Variants in NLRP7 observed in about 807,000 individuals in gnomAD.
The protein encoded by NLRP7 is NLR family pyrin domain containing 7.
NLRP7 carries 72 observed loss-of-function variants against 85.5 expected under a neutral mutation model. The ratio of observed to expected loss-of-function variants is 0.84; its 90% CI spans 0.70 to 1.02. The LOEUF is 1.02. Among genes scored for constraint, NLRP7 ranks in the 50% least tolerant of loss-of-function variants. The pLI is 0.00. For missense variants in NLRP7, 1,243 were observed against 1,219.5 expected, an observed-to-expected ratio of 1.02 and a Z score of -0.29; for synonymous variants, 550 against 505.2, an observed-to-expected ratio of 1.09 and a Z score of -1.19.
At chr19:54,942,482 G>C (rs1318516938) in intron 1 of NLRP7, among the ~76,000 whole-genome samples, 2 of 152,082 alleles carry the variant, frequency 1.3e-5, no homozygotes, top group African/African-American at 2.4e-5. Context: ...CCAGCACTTT[G>C]GGAGGCCAAG....
At position 54,936,221 on chromosome 19, in the gene NLRP7, G is replaced by A. The variant is rs374075665; in HGVS notation, c.2300+40C>T. 172 of 1,578,130 alleles carry A rather than the reference G, an allele frequency of 1.1e-4. No individual in the cohort carries two copies. The African/African-American group carries it at 1.8e-3, about 17-fold the overall frequency. Reference sequence around the variant, plus strand: ...GATCCCCCAGCAACACGGTGCAGTGGACTCCAGGTGCTGGGGAGAGCCGTG... The same window carrying A: ...GATCCCCCAGCAACACGGTGCAGTGAACTCCAGGTGCTGGGGAGAGCCGTG... On this transcript the variant is annotated intron_variant, in intron 6 of 9. Transcript: ENST00000340844.
intron 7 of NLRP7, 83 bp from the exon 8 acceptor site, chr19:54,933,822 T>TTTA: frequency 8.3e-7 from 1 of 1,205,306 alleles, no homozygotes; most frequent in Non-Finnish European, 1.2e-6. Context: ...CATGCTAGGG[T>TTTA]ACTCAGCTTC....
In NLRP7 at chr19:54,939,544, C is replaced by T. The variant is rs771909550; in HGVS notation, c.1275G>A (p.Ala425=). Residue 425 remains alanine (A), a synonymous_variant, in exon 4 of 10, where the codon GCG becomes GCA. Coordinates refer to ENST00000340844, the Ensembl canonical transcript of NLRP7. ...CCTCTCGGTGGAACACGGACATCTG[C>T]GCCCACAGGCCCTGCGCGGCCAGGA... The T allele has an allele frequency of 6.2e-6, 10 of 1,613,032 alleles. No homozygotes were observed. The African/African-American group carries it at 8.0e-5, about 13-fold the overall frequency.
At chr19:54,954,528 CAAAAAA>C (rs35846819) in intron 1 of NLRP7, among the ~76,000 whole-genome samples, 1 of 47,532 alleles carries the variant, frequency 2.1e-5, no homozygotes, top group African/African-American at 7.7e-5. Flanking sequence ...GACTCCGTCT[CAAAAAA>C]AAAAAAAAAA....
At chr19:54,933,821 G>A (rs1032364929) in intron 7 of NLRP7, 82 bp from the exon 8 acceptor site, 4 of 1,208,536 alleles carry the variant, frequency 3.3e-6, no homozygotes, top group Non-Finnish European at 4.9e-6. Flanking sequence ...ACATGCTAGG[G>A]TACTCAGCTT....
chr19:54,960,927 G>A (rs1360499981), intron 1 of NLRP7, among the ~76,000 whole-genome samples: 2 of 151,838 alleles, frequency 1.3e-5, no homozygotes, highest in South Asian at 2.1e-4. Context: ...ATGCATTTGA[G>A]TCTTAAAAAA....
Position 54,940,418 on chromosome 19 carries a change from C to T in NLRP7, c.401G>A (p.Trp134Ter), listed in dbSNP as rs2069172644. The T allele has an allele frequency of 5.6e-6, 9 of 1,613,918 alleles. No individual in the cohort carries two copies. The highest frequency in any genetic ancestry group is 2.7e-5 in the African/African-American group (2 of 74,932). ...GTCTCCTTGCCAAAAGGTGTTCTTC[C>T]AGACCAAAGACTGTTTCTCCATTGA... The change falls in exon 4 of 10, where the codon TGG becomes TAG. Residue 134 changes from tryptophan (W) to a stop codon, truncating the protein, a stop_gained. Coordinates refer to ENST00000340844, the Ensembl canonical transcript of NLRP7. LOFTEE classifies it high-confidence loss of function.
In NLRP7 at chr19:54,934,585, T is replaced by G. The variant is rs1403380853; in HGVS notation, c.2375A>C (p.Lys792Thr). The G allele has an allele frequency of 3.1e-6, 5 of 1,614,022 alleles. No homozygotes were observed. The African/African-American group carries it at 5.3e-5, about 17-fold the overall frequency. Residue 792 changes from lysine (K) to threonine (T), a missense_variant, in exon 7 of 10, where the codon AAG (lysine) becomes ACG (threonine). Lys to Thr is a moderately conservative substitution (Grantham distance 78). Around this residue, in one of 3 missense-constraint regions of NLRP7, gnomAD observed 613 missense variants for 588.4 expected, o/e 1.04. Transcript: ENST00000340844. This position sits in a 1 kb window ranked among gnomAD's most constrained non-coding sequence, Gnocchi z 6.7. The stretch of plus-strand genomic sequence containing the variant: ...CACATTGGCTGAGAGACGCAGGTGC[T>G]TCAGGGACTGGTTGGCTTTGAGGAC...
intron 7 of NLRP7, among the ~76,000 whole-genome samples, 195 bp from the exon 8 acceptor site, chr19:54,933,934 C>T (rs896312986): frequency 1.3e-5 from 2 of 152,132 alleles, no homozygotes; most frequent in Admixed American, 6.6e-5. Context: ...CCACCTGGAG[C>T]CATCACAGGA....
chr19:54,955,872 C>T (rs2069834609), intron 1 of NLRP7, among the ~76,000 whole-genome samples: 1 of 152,084 alleles, frequency 6.6e-6, no homozygotes, highest in Non-Finnish European at 1.5e-5. Context: ...GACATTCGCT[C>T]CCATGCCTGG....
chr19:54,939,782 G>A (rs2069131247), exon 4 of NLRP7: 2 of 1,613,838 alleles, frequency 1.2e-6, no homozygotes, highest in Non-Finnish European at 8.5e-7. Context: ...TAGCTCAAAG[G>A]CACGCATGGC....
At chr19:54,945,238 CAAAAA>C (rs75770706) in intron 1 of NLRP7, among the ~76,000 whole-genome samples, 19 of 69,686 alleles carry the variant, frequency 2.7e-4, no homozygotes, top group African/African-American at 5.0e-4. Flanking sequence ...GACTCCCTCT[CAAAAA>C]AAAAAAAAAA....
At chr19:54,959,896 C>A (rs1282681357) in intron 1 of NLRP7, among the ~76,000 whole-genome samples, 1 of 151,860 alleles carries the variant, frequency 6.6e-6, no homozygotes, top group Non-Finnish European at 1.5e-5. Flanking sequence ...TGGGAGCCGA[C>A]TCCCGGCTGC....
Position 54,959,428 on chromosome 19 carries a change from T to C in NLRP7, c.-77+6612A>G, listed in dbSNP as rs113210071. On this transcript the variant is annotated intron_variant, in intron 1 of 2. Coordinates refer to the NLRP7 transcript ENST00000587103. Reference sequence around the variant, plus strand: ...CTGGGATTACAGGCGTGAGCCACCGTGCCCGGCCTCCTTGTTTTTTTTCTA... The same window carrying C: ...CTGGGATTACAGGCGTGAGCCACCGCGCCCGGCCTCCTTGTTTTTTTTCTA... 8.1e-3 allele frequency among the ~76,000 whole-genome samples: 1,220 copies of C among 150,480 alleles called. 22 individuals are homozygous for C. Among genetic ancestry groups the C allele is most frequent in the African/African-American group, 0.026 (1,038 of 40,660 alleles).
At position 54,941,422 on chromosome 19, in the gene NLRP7, A is replaced by T. The variant is rs1371129612; in HGVS notation, c.277+13T>A. 1 of 1,272,666 alleles carries T rather than the reference A, an allele frequency of 7.9e-7. No homozygotes were observed. The highest frequency in any genetic ancestry group is 1.1e-6 in the Non-Finnish European group (1 of 875,128). The allele number at this position is 1,272,666 out of a possible 1,614,324, so 78.8% of individuals were successfully genotyped here. On this transcript the variant is annotated intron_variant, in intron 2 of 9. Coordinates refer to ENST00000340844, the Ensembl canonical transcript of NLRP7. Reference sequence around the variant, plus strand: ...AAAAAAAAAATGACCAGGACACCCCAGGTTCTACTTACCCATCATCTCAGC... The same window carrying T: ...AAAAAAAAAATGACCAGGACACCCCTGGTTCTACTTACCCATCATCTCAGC...
At chr19:54,951,636 C>T (rs1173261525), upstream of NLRP7, among the ~76,000 whole-genome samples, 1 of 152,102 alleles carries the variant, frequency 6.6e-6, no homozygotes, top group African/African-American at 2.4e-5. Context: ...AAATGTGAAT[C>T]AGGCTGCACT....
exon 5 of NLRP7, chr19:54,938,166 A>C: frequency 6.2e-7 from 1 of 1,614,102 alleles, no homozygotes; most frequent in Non-Finnish European, 8.5e-7. Context: ...AGCTGAAGAG[A>C]GAGCAGAAAT....
chr19:54,949,827 G>A (rs1199417483), upstream of NLRP7, among the ~76,000 whole-genome samples: 1 of 152,170 alleles, frequency 6.6e-6, no homozygotes, highest in Non-Finnish European at 1.5e-5. Context: ...TGGGCCGGGT[G>A]TCCTGTGGCT....
At chr19:54,938,846 G>A (rs1426629279) in intron 4 of NLRP7, 42 bp downstream of exon 4, 1 of 1,607,162 alleles carries the variant, frequency 6.2e-7, no homozygotes, top group Admixed American at 1.7e-5. Context: ...GGAGACGCTG[G>A]CCTCTTCCTA....
Sources: allele counts gnomAD v4.1 joint callset (sites outside exome capture counted in the v4.1 genomes callset), GRCh38; gene constraint gnomAD v4.1.1; regional missense constraint gnomAD v4.1.1; non-coding constraint Gnocchi (gnomAD v3.1); transcripts MANE v1.5; gene names NCBI Gene and HGNC (gene_info 2026-07-23, HGNC 2026-07-21).